TESK2: variants seen among roughly 807,000 people sequenced by gnomAD.
TESK2 encodes the protein dual specificity testis-specific protein kinase 2.
In TESK2, 39 loss-of-function variants were observed where a neutral mutation model predicts 57.1. The ratio of observed to expected loss-of-function variants is 0.68; its 90% CI spans 0.53 to 0.89. The LOEUF is 0.89. Among genes scored for constraint, TESK2 ranks in the 40% least tolerant of loss-of-function variants. TESK2 has a pLI of 0.00. For missense variants in TESK2, 646 were observed against 732.1 expected, an observed-to-expected ratio of 0.88 and a Z score of 1.36; for synonymous variants, 249 against 267.9, an observed-to-expected ratio of 0.93 and a Z score of 0.69.
chr1:45,438,049 A>G (rs1487223887), intron 2 of TESK2, among the ~76,000 whole-genome samples: 3 of 152,244 alleles, frequency 2.0e-5, no homozygotes, highest in African/African-American at 7.2e-5. Context: ...AGAAATACCT[A>G]ATAGGCTTTC....
chr1:45,372,647 G>C (rs1441434343), intron 4 of TESK2, among the ~76,000 whole-genome samples: 2 of 151,870 alleles, frequency 1.3e-5, no homozygotes, highest in Admixed American at 1.3e-4. Context: ...GGGAGGCTAA[G>C]GCAGGAGGAC....
intron 1 of TESK2, among the ~76,000 whole-genome samples, chr1:45,467,201 A>C (rs1333520512): frequency 1.3e-5 from 2 of 152,320 alleles, no homozygotes; most frequent in East Asian, 3.8e-4. Context: ...ATTGAAAAAC[A>C]AACCTGTGGC....
rs181864514 is a variant in TESK2 at position 45,404,913 on chromosome 1, C to T, written c.344+16812G>A. On this transcript the variant is annotated intron_variant, in intron 3 of 10. Coordinates refer to ENST00000372086, the MANE Select transcript of TESK2 (RefSeq NM_007170.3). Reference sequence around the variant, plus strand: ...CTAAGGGCACACAATGAGCAAATGGCGGAGTCAGGGAGTGGATTTTTACCT... The same window carrying T: ...CTAAGGGCACACAATGAGCAAATGGTGGAGTCAGGGAGTGGATTTTTACCT... 5.8e-3 allele frequency among the ~76,000 whole-genome samples: 881 copies of T among 152,056 alleles called. 5 individuals carry two copies. Among genetic ancestry groups the T allele is most frequent in the Non-Finnish European group, 9.0e-3 (611 of 67,992 alleles).
chr1:45,405,962 C>T (rs1172927487), intron 3 of TESK2, among the ~76,000 whole-genome samples: 1 of 152,062 alleles, frequency 6.6e-6, no homozygotes. Context: ...GTGGCTCACA[C>T]CTGCAATCCC....
chr1:45,462,395 C>T (rs966923026), intron 1 of TESK2, among the ~76,000 whole-genome samples: 1 of 152,066 alleles, frequency 6.6e-6, no homozygotes, highest in African/African-American at 2.4e-5. Flanking sequence ...GCCTCAGCCT[C>T]CCGAGTAGCT....
At chr1:45,386,663 C>CT (rs1314196507) in intron 3 of TESK2, among the ~76,000 whole-genome samples, 13 of 150,360 alleles carry the variant, frequency 8.6e-5, no homozygotes, top group African/African-American at 2.2e-4. Context: ...GGTTTTGTTG[C>CT]TTTTTTTTTG....
chr1:45,468,563 C>T (rs1167841689), intron 1 of TESK2, among the ~76,000 whole-genome samples: 3 of 152,116 alleles, frequency 2.0e-5, no homozygotes, highest in African/African-American at 4.8e-5. Context: ...TAAGAAAATA[C>T]ATTATTTCAA....
chr1:45,452,759 G>GA (rs111797667), intron 2 of TESK2, among the ~76,000 whole-genome samples: 2,635 of 141,132 alleles, frequency 0.019, 65 homozygotes, highest in African/African-American at 0.06. Context: ...AAAAAAAGAA[G>GA]AAAAAAAAAA....
chr1:45,346,027 C>T (rs758404137), intron 9 of TESK2, 33 bp from the exon 10 acceptor site: 2 of 1,479,800 alleles, frequency 1.4e-6, no homozygotes, highest in Non-Finnish European at 1.9e-6. Flanking sequence ...TGAGCTCTGC[C>T]CTCCATCTCC....
chr1:45,465,945 A>C (rs1652533431), intron 1 of TESK2, among the ~76,000 whole-genome samples: 1 of 152,232 alleles, frequency 6.6e-6, no homozygotes, highest in Non-Finnish European at 1.5e-5. Context: ...ATATTATTAA[A>C]ATTTAATTCA....
intron 1 of TESK2, among the ~76,000 whole-genome samples, chr1:45,479,855 G>A (rs1417042148): frequency 4.7e-5 from 5 of 106,358 alleles, no homozygotes; most frequent in Non-Finnish European, 6.8e-5. Flanking sequence ...GTCTCACTCT[G>A]TTGCCCAGGC....
intron 2 of TESK2, among the ~76,000 whole-genome samples, chr1:45,447,082 G>A (rs897123604): frequency 2.3e-4 from 35 of 152,102 alleles, no homozygotes; most frequent in Admixed American, 1.4e-3. Context: ...AGCCAGGCAC[G>A]GTAATATGCT....
intron 3 of TESK2, among the ~76,000 whole-genome samples, chr1:45,415,626 T>C (rs888045490): frequency 3.3e-5 from 5 of 152,194 alleles, no homozygotes; most frequent in African/African-American, 1.2e-4. Context: ...CTAATAATAA[T>C]AGCTAACATT....
chr1:45,472,194 G>A (rs1202646253), intron 1 of TESK2, among the ~76,000 whole-genome samples: 2 of 150,168 alleles, frequency 1.3e-5, no homozygotes, highest in African/African-American at 4.9e-5. Context: ...GGAGCTTGCA[G>A]TGAGCCGAGA....
At chr1:45,391,457 ATCC>A (rs1440861895) in intron 3 of TESK2, among the ~76,000 whole-genome samples, 4 of 152,050 alleles carry the variant, frequency 2.6e-5, no homozygotes, top group Admixed American at 6.6e-5. Flanking sequence ...GTGTCAAGCA[ATCC>A]TCCTGCATTG....
chr1:45,393,557 A>G (rs186507968), intron 3 of TESK2, among the ~76,000 whole-genome samples: 1 of 152,320 alleles, frequency 6.6e-6, no homozygotes, highest in East Asian at 1.9e-4. Flanking sequence ...CCTGGCCAAC[A>G]TGGTGAAACC....
intron 3 of TESK2, among the ~76,000 whole-genome samples, chr1:45,419,101 C>A (rs547048648): frequency 1.3e-5 from 2 of 152,088 alleles, no homozygotes; most frequent in South Asian, 4.2e-4. Context: ...CCTCAGCCTC[C>A]CGAGTAGCTG....
chr1:45,484,098 A>ATTC (rs1443087353), intron 1 of TESK2, among the ~76,000 whole-genome samples: 3 of 133,722 alleles, frequency 2.2e-5, no homozygotes, highest in Non-Finnish European at 3.1e-5. Flanking sequence ...TTCATTTTTA[A>ATTC]TTCTTCTTTT....
At chr1:45,376,476 C>A (rs1037806069) in intron 4 of TESK2, among the ~76,000 whole-genome samples, 1 of 151,930 alleles carries the variant, frequency 6.6e-6, no homozygotes, top group African/African-American at 2.4e-5. Flanking sequence ...GCCTTGGCCT[C>A]CCAAAGTGCT....
Sources: allele counts gnomAD v4.1 joint callset (sites outside exome capture counted in the v4.1 genomes callset), GRCh38; gene constraint gnomAD v4.1.1; transcripts MANE v1.5; gene names NCBI Gene and HGNC (gene_info 2026-07-23, HGNC 2026-07-21).